Variants in CYP4F22 observed in about 807,000 individuals in gnomAD.
CYP4F22 encodes cytochrome P450 family 4 subfamily F member 22, also known as ultra-long-chain fatty acid omega-hydroxylase.
In CYP4F22, 37 loss-of-function variants were observed where a neutral mutation model predicts 60.4. The ratio of observed to expected loss-of-function variants is 0.61; its 90% CI spans 0.47 to 0.81. The LOEUF (loss-of-function observed/expected upper bound fraction) is 0.81. Ranked by LOEUF, CYP4F22 falls within the 30% of genes least tolerant of loss-of-function variation. The probability of loss-of-function intolerance (pLI) is 0.00; values close to 1 mark genes in which losing one functional copy is unlikely to be tolerated. For missense variants in CYP4F22, 655 were observed against 715.0 expected, an observed-to-expected ratio of 0.92 and a Z score of 0.96; for synonymous variants, 258 against 280.5, an observed-to-expected ratio of 0.92 and a Z score of 0.80.
At chr19:15,548,406 T>C (rs1839258654) in intron 11 of CYP4F22, among the ~76,000 whole-genome samples, 165 bp downstream of exon 11, 1 of 151,982 alleles carries the variant, frequency 6.6e-6, no homozygotes, top group Admixed American at 6.6e-5. Context: ...AACCCAGTTG[T>C]GTGTGCAGGG....
At chr19:15,547,866 C>A (rs998145311) in intron 10 of CYP4F22, among the ~76,000 whole-genome samples, 9 of 150,972 alleles carry the variant, frequency 6.0e-5, no homozygotes, top group East Asian at 1.9e-4. Flanking sequence ...AACAAAAAAA[C>A]CACTAAATAT....
At chr19:15,515,289 A>G in intron 1 of CYP4F22, 4 of 1,052,600 alleles carry the variant, frequency 3.8e-6, no homozygotes, top group Non-Finnish European at 5.8e-6. Flanking sequence ...CAGTTTTAAT[A>G]TTTTCAGTGT....
At position 15,537,364 on chromosome 19, in the gene CYP4F22, C is replaced by T. The variant is rs770450984; in HGVS notation, c.371C>T (p.Ala124Val). 12 of 1,614,152 alleles carry T rather than the reference C, an allele frequency of 7.4e-6. No homozygotes were observed. The South Asian group carries it at 1.3e-4, about 18-fold the overall frequency. The change falls in exon 5 of 14, where the codon GCC becomes GTC. Residue 124 changes from alanine (A) to valine (V), a missense_variant. Coordinates refer to ENST00000269703, the MANE Select transcript of CYP4F22 (RefSeq NM_173483.4). ...ATTTTCCCTTTGCCCTCCACAGCTG[C>T]CATCGCCCCCAAGGATGACCTCTTC... ...YIKPLLGASA[A>V]IAPKDDLFYG...
chr19:15,549,032 G>A, intron 11 of CYP4F22, 106 bp from the exon 12 acceptor site: 1 of 1,264,892 alleles, frequency 7.9e-7, no homozygotes, highest in Non-Finnish European at 1.1e-6. Context: ...GGTGGTGGCA[G>A]ATGGCTCATG....
chr19:15,540,471 C>T lies in CYP4F22; in HGVS notation c.693C>T (p.Ser231=), dbSNP rs149616338. The change falls in exon 8 of 14, where the codon TCC becomes TCT. Residue 231 remains serine (S), a synonymous_variant. Coordinates refer to ENST00000269703, the MANE Select transcript of CYP4F22 (RefSeq NM_173483.4). The part of the protein sequence containing the change: ...NCQEKMSDYI[S]AIIELSALSV... ...GCAGGAAGATGAGTGATTATATCTC[C>T]GCTATCATTGAACTGAGCGCTCTGT... 9.6e-4 allele frequency: 1,542 copies of T among 1,614,172 alleles called. 9 individuals are homozygous for T. The African/African-American group carries it at 0.016, about 16-fold the overall frequency.
intron 7 of CYP4F22, among the ~76,000 whole-genome samples, 188 bp downstream of exon 7, chr19:15,538,181 C>T (rs1449897043): frequency 6.6e-6 from 1 of 151,950 alleles, no homozygotes. Flanking sequence ...AAAAAATGGG[C>T]ATCATAATTC....
At chr19:15,532,905 G>C (rs1971359141) in intron 4 of CYP4F22, among the ~76,000 whole-genome samples, 1 of 152,118 alleles carries the variant, frequency 6.6e-6, no homozygotes, top group Non-Finnish European at 1.5e-5. Context: ...CTCCAGGATG[G>C]AAAAAAGGGT....
At chr19:15,511,921 A>G (rs1599784499) in intron 1 of CYP4F22, among the ~76,000 whole-genome samples, 1 of 152,240 alleles carries the variant, frequency 6.6e-6, no homozygotes, top group East Asian at 1.9e-4. Flanking sequence ...GGCTTTCACC[A>G]CCACCAGATA....
At chr19:15,536,851 G>A (rs914761897) in intron 4 of CYP4F22, among the ~76,000 whole-genome samples, 3 of 152,198 alleles carry the variant, frequency 2.0e-5, no homozygotes, top group African/African-American at 2.4e-5. Context: ...GGAGCCATGG[G>A]AGGTGTCTGA....
At chr19:15,547,024 T>TTTTTTTTTTTTTTG (rs1395434006) in intron 10 of CYP4F22, among the ~76,000 whole-genome samples, 1 of 140,746 alleles carries the variant, frequency 7.1e-6, no homozygotes, top group African/African-American at 2.7e-5. Flanking sequence ...ACCAGTTTTT[T>TTTTTTTTTTTTTTG]TTTTTTTTTT....
At chr19:15,534,552 A>G (rs1971375696) in intron 4 of CYP4F22, among the ~76,000 whole-genome samples, 1 of 151,954 alleles carries the variant, frequency 6.6e-6, no homozygotes, top group Non-Finnish European at 1.5e-5. Flanking sequence ...TCTGGGCTCA[A>G]GTGATCCTCC....
intron 12 of CYP4F22, among the ~76,000 whole-genome samples, chr19:15,549,803 C>T (rs960026447): frequency 7.7e-5 from 8 of 104,394 alleles, no homozygotes; most frequent in Non-Finnish European, 1.2e-4. Flanking sequence ...GACCCCATTT[C>T]TAAAAAAAAA....
In CYP4F22 at chr19:15,551,631, C is replaced by T; in HGVS notation, c.*160C>T. The T allele has an allele frequency of 2.2e-6, 2 of 917,000 alleles. No homozygotes were observed. Among genetic ancestry groups the T allele is most frequent in the Non-Finnish European group, 3.2e-6 (2 of 622,204 alleles). 56.8% of individuals were successfully genotyped at this position (917,000 alleles called of 1,614,324 possible). On this transcript the variant is annotated 3_prime_UTR_variant, in exon 14 of 14. Transcript: ENST00000269703. The stretch of plus-strand genomic sequence containing the variant: ...TGTTGAGCAGCCTGGTGGTACTGGC[C>T]ACGCCCCTCAAGGCAAGGCTCCTCC...
chr19:15,545,672 G>GA (rs1971517277), intron 10 of CYP4F22, among the ~76,000 whole-genome samples: 1 of 62,968 alleles, frequency 1.6e-5, no homozygotes, highest in South Asian at 6.5e-4. Context: ...AAAAAAAAAA[G>GA]AAAAGAAAAG....
chr19:15,540,061 G>T (rs960769630), intron 7 of CYP4F22, among the ~76,000 whole-genome samples: 1 of 152,194 alleles, frequency 6.6e-6, no homozygotes, highest in African/African-American at 2.4e-5. Context: ...ATGCTGAGGA[G>T]TGTAACCATT....
chr19:15,525,991 A>G (rs377114066), intron 3 of CYP4F22, among the ~76,000 whole-genome samples: 5 of 151,804 alleles, frequency 3.3e-5, no homozygotes, highest in East Asian at 1.9e-4. Context: ...GTGAGACCCC[A>G]TCTCTATAAG....
chr19:15,526,675 T>C (rs1247328687), intron 3 of CYP4F22, among the ~76,000 whole-genome samples: 2 of 152,070 alleles, frequency 1.3e-5, no homozygotes, highest in African/African-American at 4.8e-5. Flanking sequence ...CTAGCCTCCT[T>C]GATCTCAGTT....
At chr19:15,515,410 T>A in intron 1 of CYP4F22, 6 of 1,215,438 alleles carry the variant, frequency 4.9e-6, no homozygotes, top group Non-Finnish European at 7.2e-6. Flanking sequence ...TTGGTCCAAC[T>A]CAGACAGCAA....
intron 1 of CYP4F22, among the ~76,000 whole-genome samples, chr19:15,517,119 C>T (rs917442300): frequency 6.6e-6 from 1 of 152,048 alleles, no homozygotes; most frequent in Non-Finnish European, 1.5e-5. Context: ...CCGTGCCCGA[C>T]CTCAAATGAT....
Sources: gnomAD v4.1 joint callset for allele counts (sites outside exome capture counted in the v4.1 genomes callset) on GRCh38, gnomAD v4.1.1 for gene constraint, MANE v1.5 for transcripts, NCBI Gene and HGNC (gene_info 2026-07-23, HGNC 2026-07-21) for gene names.